The following GBP3 variants were observed in gnomAD, a reference collection of about 807,000 sequenced individuals.
GBP3 encodes the protein guanylate binding protein 3.
A neutral mutation model predicts 62.4 loss-of-function variants in GBP3; 55 were observed. That is an observed-to-expected ratio of 0.88 (90% CI 0.71 to 1.10). The LOEUF is 1.10. GBP3 is among the 50% of genes least tolerant of loss of function. The pLI is 0.00. For synonymous variants in GBP3, 208 were observed against 259.2 expected (o/e 0.80, Z 1.90); for missense variants, 605 against 690.6 (o/e 0.88, Z 1.39).
chr1:89,016,333 G>C (rs1447693093), intron 2 of GBP3, among the ~76,000 whole-genome samples: 1 of 152,110 alleles, frequency 6.6e-6, no homozygotes, highest in Admixed American at 6.5e-5. Flanking sequence ...GTGAAACCCT[G>C]TCTCTACTAA....
intron 5 of GBP3, 65 bp downstream of exon 5, chr1:89,014,018 A>T: frequency 6.6e-7 from 1 of 1,520,270 alleles, no homozygotes; most frequent in Non-Finnish European, 9.1e-7. Flanking sequence ...TATCAATAGT[A>T]AACTAAAAAA....
At chr1:89,012,168 C>G in intron 6 of GBP3, 141 bp from the exon 7 acceptor site, 1 of 898,162 alleles carries the variant, frequency 1.1e-6, no homozygotes, top group African/African-American at 1.6e-5. Context: ...GCTGGAAATG[C>G]CTATTGTTAG....
In GBP3 at chr1:89,013,178, G is replaced by A. The variant is rs759696009; in HGVS notation, c.868+7C>T. On this transcript the variant is annotated splice_region_variant and intron_variant, in intron 6 of 10. Coordinates refer to ENST00000370481, the MANE Select transcript of GBP3 (RefSeq NM_018284.3). ...CAATGAGTGGAAGTACTACGAAGGG[G>A]ACTTACGAGGCCCATTGACCTTGAT... 54 of 1,612,164 alleles carry A rather than the reference G, an allele frequency of 3.3e-5. No individual in the cohort carries two copies. Among genetic ancestry groups the A allele is most frequent in the Non-Finnish European group, 3.6e-5 (43 of 1,178,470 alleles).
At chr1:89,021,788 TGAGAGA>T (rs146229731) in intron 1 of GBP3, among the ~76,000 whole-genome samples, 420 of 65,350 alleles carry the variant, frequency 6.4e-3, no homozygotes, top group South Asian at 0.019. Context: ...GCTGGAAAGA[TGAGAGA>T]GAGAGAGAGA....
rs780623289 is a variant in GBP3 at position 89,014,636 on chromosome 1, G to A, written c.339C>T (p.Ser113=). The A allele has an allele frequency of 5.6e-6, 9 of 1,613,982 alleles. No individual in the cohort carries two copies. The highest frequency in any genetic ancestry group is 1.6e-4 in the Middle Eastern group (1 of 6,080). The change falls in exon 4 of 11, where the codon TCC becomes TCT. Residue 113 remains serine, a synonymous_variant. Transcript: ENST00000370481. ...GGAGGACGGCCAGGGTGAAGATCCA[G>A]GAGTCATTCTGGTTGTCACCCTGGA... The part of the protein sequence containing the change: ...DVKKGDNQND[S]WIFTLAVLLS...
chr1:89,018,494 CT>C (rs539863562), intron 2 of GBP3, among the ~76,000 whole-genome samples: 2 of 152,206 alleles, frequency 1.3e-5, no homozygotes, highest in Non-Finnish European at 2.9e-5. Context: ...GGTTGTCTAG[CT>C]TCACGTCTTG....
At chr1:89,011,298 G>C (rs1049635378) in intron 7 of GBP3, among the ~76,000 whole-genome samples, 182 bp from the exon 8 acceptor site, 1 of 139,632 alleles carries the variant, frequency 7.2e-6, no homozygotes, top group African/African-American at 2.5e-5. Flanking sequence ...TTTCTCTTTA[G>C]AGGTGAGGTT....
intron 2 of GBP3, among the ~76,000 whole-genome samples, chr1:89,016,726 C>G (rs2101154497): frequency 6.6e-6 from 1 of 152,216 alleles, no homozygotes; most frequent in Middle Eastern, 3.4e-3. Flanking sequence ...AGGCACGTGA[C>G]ACCAGGCCTG....
In GBP3 at chr1:89,009,135, A is replaced by G. The variant is rs17433780; in HGVS notation, c.1471T>C (p.Cys491Arg). Residue 491 changes from cysteine (C) to arginine (R), a missense_variant, in exon 10 of 11, where the codon TGT becomes CGT. Physicochemically the swap from Cys to Arg is radical, Grantham distance 180. Coordinates refer to ENST00000370481, the MANE Select transcript of GBP3 (RefSeq NM_018284.3). ...GCCTGTGCAGATTCAGCTTTTACACATTCCACTGTGGAGGAAGAAGAAACA... is the reference window on the plus strand; with the variant it reads ...GCCTGTGCAGATTCAGCTTTTACACGTTCCACTGTGGAGGAAGAAGAAACA... ...TEKEKEIEVECVKAESAQASA... is the reference protein window; with the variant it reads ...TEKEKEIEVERVKAESAQASA... The G allele has an allele frequency of 0.31, 495,606 of 1,612,222 alleles. 77,637 individuals carry two copies. Among genetic ancestry groups the G allele is most frequent in the Non-Finnish European group, 0.32 (382,136 of 1,178,696 alleles).
chr1:89,014,130 G>C lies in GBP3; in HGVS notation c.578C>G (p.Pro193Arg), dbSNP rs770383566. Residue 193 changes from proline (P) to arginine (R), a missense_variant, in exon 5 of 11, where the codon CCC (proline) becomes CGC (arginine). Physicochemically the swap from Pro to Arg is moderately radical, Grantham distance 103 (BLOSUM62 -2). This residue lies in a region of GBP3 where 308 missense variants were observed against 318.0 expected (regional missense o/e 0.97). Transcript: ENST00000370481. Reference sequence around the variant, plus strand: ...CTCCAGGTACTCATCTGGTGTGAGGGGTTGTCCATCTGCTTCCAAGTCCAG... The same window carrying C: ...CTCCAGGTACTCATCTGGTGTGAGGCGTTGTCCATCTGCTTCCAAGTCCAG... ...FSLDLEADGQPLTPDEYLEYS... is the reference protein window; with the variant it reads ...FSLDLEADGQRLTPDEYLEYS... 4.3e-6 allele frequency: 7 copies of C among 1,614,160 alleles called. No homozygotes were observed. Among genetic ancestry groups the C allele is most frequent in the Non-Finnish European group, 5.9e-6 (7 of 1,180,022 alleles).
intron 9 of GBP3, 36 bp downstream of exon 9, chr1:89,009,356 C>G: frequency 1.9e-6 from 3 of 1,598,070 alleles, no homozygotes; most frequent in Non-Finnish European, 2.6e-6. Context: ...ATTTGAAAAG[C>G]TTTAGGATAA....
chr1:89,021,544 A>ACACACCC (rs761151308), intron 1 of GBP3, among the ~76,000 whole-genome samples: 28 of 141,052 alleles, frequency 2.0e-4, no homozygotes, highest in Admixed American at 6.4e-4. Flanking sequence ...ACACACACAC[A>ACACACCC]CCCCAAAAAA....
intron 6 of GBP3, 24 bp downstream of exon 6, chr1:89,013,161 G>A (rs1446410874): frequency 1.9e-6 from 3 of 1,605,680 alleles, no homozygotes; most frequent in Non-Finnish European, 2.6e-6. Flanking sequence ...AACAATGAGT[G>A]GAAGTACTAC....
chr1:89,008,819 A>G, intron 10 of GBP3, 128 bp downstream of exon 10: 1 of 1,497,494 alleles, frequency 6.7e-7, no homozygotes, highest in Non-Finnish European at 8.9e-7. Flanking sequence ...GACAGAAACA[A>G]GAAAGTACAA....
In GBP3 at chr1:89,007,714, G is replaced by T. The variant is rs1334716857; in HGVS notation, c.*10C>A. The T allele has an allele frequency of 2.5e-6, 4 of 1,605,540 alleles. No homozygotes were observed. The highest frequency in any genetic ancestry group is 2.7e-5 in the African/African-American group (2 of 74,250). ...TGCCTTGGGTTAGGATGACAGAAAA[G>T]CTCTGTTGTTTAGATCTTTAGCTTA... On this transcript the variant is annotated 3_prime_UTR_variant, in exon 11 of 11. Transcript: ENST00000370481.
At chr1:89,015,065 G>C (rs1011890365) in intron 3 of GBP3, among the ~76,000 whole-genome samples, 1 of 152,152 alleles carries the variant, frequency 6.6e-6, no homozygotes, top group Non-Finnish European at 1.5e-5. Context: ...TACAACCTAT[G>C]GTTAGTAGAA....
chr1:89,019,320 C>T (rs779184640), intron 2 of GBP3, among the ~76,000 whole-genome samples: 1 of 152,218 alleles, frequency 6.6e-6, no homozygotes, highest in Non-Finnish European at 1.5e-5. Context: ...GATGGAGTTT[C>T]GCTCTATGCC....
intron 3 of GBP3, 49 bp downstream of exon 3, chr1:89,015,238 A>C: frequency 6.6e-7 from 1 of 1,506,936 alleles, no homozygotes; most frequent in Non-Finnish European, 8.9e-7. Context: ...GGTGCTTAAA[A>C]TATTCAGAGA....
chr1:89,015,043 A>G (rs1488711269), intron 3 of GBP3, among the ~76,000 whole-genome samples: 1 of 152,162 alleles, frequency 6.6e-6, no homozygotes, highest in Non-Finnish European at 1.5e-5. Context: ...ATCTGTGTTA[A>G]CTCACATAGC....
Sources: gnomAD v4.1 joint callset for allele counts (sites outside exome capture counted in the v4.1 genomes callset) on GRCh38, gnomAD v4.1.1 for gene constraint, gnomAD v4.1.1 regional missense constraint, MANE v1.5 for transcripts, NCBI Gene and HGNC (gene_info 2026-07-23, HGNC 2026-07-21) for gene names.